Variants in MTRFR observed in about 807,000 individuals in gnomAD.
MTRFR encodes probable peptide chain release factor C12orf65, mitochondrial.
MTRFR carries 10 observed loss-of-function variants against 11.9 expected under a neutral mutation model. That is an observed-to-expected ratio of 0.84 (90% confidence interval 0.52 to 1.42). The LOEUF (loss-of-function observed/expected upper bound fraction) is 1.42, where lower values mean the gene tolerates loss of function less well. Among genes scored for constraint, MTRFR ranks in the 40% most tolerant of loss-of-function variants. The pLI, the probability that MTRFR is intolerant of heterozygous loss-of-function variation, is 0.00. For missense variants in MTRFR, 196 were observed against 197.9 expected, an observed-to-expected ratio of 0.99 and a Z score of 0.06; for synonymous variants, 77 against 79.1, an observed-to-expected ratio of 0.97 and a Z score of 0.14.
chr12:123,237,742 C>G (rs1033952096), intron 1 of MTRFR, among the ~76,000 whole-genome samples: 1 of 152,198 alleles, frequency 6.6e-6, no homozygotes, highest in African/African-American at 2.4e-5. Flanking sequence ...TGGTCTGTTT[C>G]AAGCCTTACC....
intron 1 of MTRFR, among the ~76,000 whole-genome samples, chr12:123,235,051 G>A (rs1229607344): frequency 6.6e-6 from 1 of 152,204 alleles, no homozygotes; most frequent in African/African-American, 2.4e-5. Context: ...GAAATAATCA[G>A]TTCCCAGACT....
At chr12:123,255,460 T>A (rs1269444235) in intron 2 of MTRFR, among the ~76,000 whole-genome samples, 1 of 132,466 alleles carries the variant, frequency 7.5e-6, no homozygotes, top group Non-Finnish European at 1.6e-5. Flanking sequence ...TTTCATAGAA[T>A]TTTTTTTTTT....
intron 1 of MTRFR, among the ~76,000 whole-genome samples, chr12:123,241,930 A>C (rs1443480052): frequency 6.6e-6 from 1 of 152,204 alleles, no homozygotes; most frequent in African/African-American, 2.4e-5. Context: ...CAAGCTCTCC[A>C]GGAGGATGAG....
In MTRFR at chr12:123,256,867, C is replaced by A; in HGVS notation, c.337C>A (p.Gln113Lys). ...CAGAAAGCTAGCTCGGAAAATCCTA[C>A]AAGAGAAAGTAGATGTTTTCTACAA... Reference protein sequence around the residue: ...QNRKLARKILQEKVDVFYNGE... With the variant: ...QNRKLARKILKEKVDVFYNGE... Residue 113 changes from glutamine (Q) to lysine (K), a missense_variant, in exon 3 of 3, where the codon CAA becomes AAA. Coordinates refer to ENST00000253233, the MANE Select transcript of MTRFR (RefSeq NM_152269.5). 1 of 1,613,672 alleles carries A rather than the reference C, an allele frequency of 6.2e-7. No individual in the cohort carries two copies. The highest frequency in any genetic ancestry group is 1.7e-5 in the Admixed American group (1 of 59,988).
Position 123,257,393 on chromosome 12 carries a change from G to C in MTRFR, c.*362G>C, listed in dbSNP as rs559620927. The C allele has an allele frequency of 3.9e-5, 9 of 228,864 alleles. No homozygotes were observed. The East Asian group carries it at 1.1e-3, about 28-fold the overall frequency. 14.2% of individuals were successfully genotyped at this position (228,864 alleles called of 1,614,324 possible). On this transcript the variant is annotated 3_prime_UTR_variant, in exon 3 of 3. Coordinates refer to ENST00000253233, the MANE Select transcript of MTRFR (RefSeq NM_152269.5). ...TAGCCAGGCATGGTGGCGGGCACCTGTAATCCCAGCTACTCGGGAGGCCGA... is the reference window on the plus strand; with the variant it reads ...TAGCCAGGCATGGTGGCGGGCACCTCTAATCCCAGCTACTCGGGAGGCCGA...
In MTRFR at chr12:123,256,860, A is replaced by G. The variant is rs2138800161; in HGVS notation, c.330A>G (p.Lys110=). 6.2e-7 allele frequency: 1 copy of G among 1,614,048 alleles called. No homozygotes were observed. The highest frequency in any genetic ancestry group is 2.2e-5 in the East Asian group (1 of 44,876). Residue 110 remains lysine, a synonymous_variant, in exon 3 of 3, where the codon AAA becomes AAG. Transcript: ENST00000253233. ...SVDQNRKLAR[K]ILQEKVDVFY... Reference sequence around the variant, plus strand: ...ATCAGAACAGAAAGCTAGCTCGGAAAATCCTACAAGAGAAAGTAGATGTTT... The same window carrying G: ...ATCAGAACAGAAAGCTAGCTCGGAAGATCCTACAAGAGAAAGTAGATGTTT...
chr12:123,240,668 C>G (rs1593274737), intron 1 of MTRFR: 1 of 148,804 alleles, frequency 6.7e-6, no homozygotes, highest in South Asian at 2.1e-4. Context: ...AAGGCAGGTC[C>G]AGAGATTGAC....
rs143934899 is a variant in MTRFR at position 123,250,747 on chromosome 12, G to A, written c.-28-2900G>A. 1,327 of 152,382 alleles carry A rather than the reference G, an allele frequency of 8.7e-3. 14 individuals carry two copies. The highest frequency in any genetic ancestry group is 0.027 in the Middle Eastern group (8 of 294). 9.4% of individuals were successfully genotyped at this position (152,382 alleles called of 1,614,324 possible). On this transcript the variant is annotated intron_variant, in intron 1 of 2. Coordinates refer to ENST00000253233, the MANE Select transcript of MTRFR (RefSeq NM_152269.5). ...CAGCCATGGCTACCAGTGCCTGTTC[G>A]GTGGAGGTGGCAGAGGGTACAATGG...
intron 1 of MTRFR, among the ~76,000 whole-genome samples, chr12:123,240,958 C>T (rs1465080220): frequency 5.3e-5 from 8 of 151,904 alleles, no homozygotes; most frequent in Non-Finnish European, 1.0e-4. Flanking sequence ...AGGTAATCTG[C>T]CCACCTTAGC....
intron 1 of MTRFR, among the ~76,000 whole-genome samples, chr12:123,235,035 G>T (rs1007273174): frequency 6.6e-5 from 10 of 152,274 alleles, no homozygotes; most frequent in Admixed American, 4.6e-4. Flanking sequence ...TAAAACAAAG[G>T]CCGATGAAAT....
intron 1 of MTRFR, among the ~76,000 whole-genome samples, chr12:123,235,093 G>A (rs1193763905): frequency 6.6e-6 from 1 of 152,178 alleles, no homozygotes; most frequent in Non-Finnish European, 1.5e-5. Flanking sequence ...AGTGTATGTG[G>A]TGTGTCATTC....
At chr12:123,235,686 C>G (rs1381733004) in intron 1 of MTRFR, among the ~76,000 whole-genome samples, 2 of 151,260 alleles carry the variant, frequency 1.3e-5, no homozygotes, top group Non-Finnish European at 2.9e-5. Flanking sequence ...AGTGAGTTAT[C>G]TTAATTAATT....
chr12:123,243,659 C>G (rs983172464), intron 1 of MTRFR, among the ~76,000 whole-genome samples: 1 of 151,940 alleles, frequency 6.6e-6, no homozygotes, highest in African/African-American at 2.4e-5. Context: ...GAGCCGAGAT[C>G]GCGCCACTGT....
At chr12:123,239,901 A>G (rs557344466) in intron 1 of MTRFR, among the ~76,000 whole-genome samples, 2 of 151,908 alleles carry the variant, frequency 1.3e-5, no homozygotes, top group Non-Finnish European at 2.9e-5. Context: ...ACACTCCTTT[A>G]CACCTTCTCA....
chr12:123,256,690 C>CT (rs2048184957), intron 2 of MTRFR, 123 bp from the exon 3 acceptor site: 3 of 821,748 alleles, frequency 3.7e-6, no homozygotes, highest in Non-Finnish European at 6.0e-6. Context: ...GAACGAAACT[C>CT]TGTCTCAATA....
intron 1 of MTRFR, among the ~76,000 whole-genome samples, chr12:123,247,239 G>A (rs1451519694): frequency 6.6e-6 from 1 of 152,154 alleles, no homozygotes; most frequent in East Asian, 1.9e-4. Context: ...GTCTAGTGCT[G>A]TCAGTGGAGT....
intron 1 of MTRFR, among the ~76,000 whole-genome samples, chr12:123,245,263 A>T (rs987540126): frequency 1.3e-5 from 2 of 152,156 alleles, no homozygotes; most frequent in African/African-American, 4.8e-5. Flanking sequence ...TACCAGTACC[A>T]CGCTGTTTTG....
At chr12:123,233,144 C>A (rs1258686064), upstream of MTRFR, 1 of 34,072 alleles carries the variant, frequency 2.9e-5, no homozygotes, top group East Asian at 2.6e-3. Flanking sequence ...CCCGAGGGAG[C>A]GCGCGCGCGC....
chr12:123,252,050 A>G (rs943467439), intron 1 of MTRFR: 15 of 152,214 alleles, frequency 9.9e-5, no homozygotes, highest in African/African-American at 3.6e-4. Context: ...CTGTCTTTTA[A>G]TATCTTCTCT....
Sources: gnomAD v4.1 joint callset for allele counts (sites outside exome capture counted in the v4.1 genomes callset) on GRCh38, gnomAD v4.1.1 for gene constraint, MANE v1.5 for transcripts, NCBI Gene and HGNC (gene_info 2026-07-23, HGNC 2026-07-21) for gene names.